C12orf42: variants seen among roughly 807,000 people sequenced by gnomAD.
C12orf42 encodes the protein chromosome 12 open reading frame 42, also known as uncharacterized protein C12orf42.
In C12orf42, 25 loss-of-function variants were observed where a neutral mutation model predicts 21.6. The ratio of observed to expected loss-of-function variants is 1.16; its 90% CI spans 0.84 to 1.62. The LOEUF is 1.62. Ranked by LOEUF, C12orf42 falls within the 40% of genes most tolerant of loss-of-function variation. C12orf42 has a pLI of 0.00. For synonymous variants in C12orf42, 174 were observed against 175.0 expected (o/e 0.99, Z 0.05); for missense variants, 483 against 459.3 (o/e 1.05, Z -0.47).
the C12orf42 span, among the ~76,000 whole-genome samples, chr12:103,142,481 T>G: frequency 6.6e-6 from 1 of 152,220 alleles, no homozygotes; most frequent in Non-Finnish European, 1.5e-5. Flanking sequence ...TCTGGTTTAT[T>G]TCTCTTGCAA....
chr12:103,547,262 C>T, the C12orf42 span, among the ~76,000 whole-genome samples: 9 of 152,302 alleles, frequency 5.9e-5, no homozygotes, highest in South Asian at 8.3e-4. Flanking sequence ...TTCTCAGTCT[C>T]GCTAGCCATA....
At chr12:103,163,759 G>A in the C12orf42 span, among the ~76,000 whole-genome samples, 1 of 152,182 alleles carries the variant, frequency 6.6e-6, no homozygotes, top group African/African-American at 2.4e-5. Flanking sequence ...TTAGCTGTGT[G>A]ATATGGGGTG....
rs77836842 is a variant in C12orf42 at position 103,405,809 on chromosome 12, G to C, written c.79-4134C>G. Among the ~76,000 whole-genome samples the C allele has an allele frequency of 3.9e-3, 598 of 152,228 alleles. 3 individuals are homozygous for C. The highest frequency in any genetic ancestry group is 0.014 in the African/African-American group (572 of 41,542). ...AAAAACATGTTTGCCTTGATGTGGG[G>C]TAGTGTATTTCTTTCTAAAGAAATG... On this transcript the variant is annotated intron_variant, in intron 2 of 5. Coordinates refer to ENST00000548883, the MANE Select transcript of C12orf42 (RefSeq NM_198521.5).
At chr12:103,557,693 C>T in the C12orf42 span, 2 of 152,156 alleles carry the variant, frequency 1.3e-5, no homozygotes, top group African/African-American at 4.8e-5. Context: ...CACTAAACTG[C>T]TTAATGATGG....
chr12:103,145,343 T>C, the C12orf42 span, among the ~76,000 whole-genome samples: 1 of 152,182 alleles, frequency 6.6e-6, no homozygotes, highest in South Asian at 2.1e-4. Flanking sequence ...CAAAGAGCCC[T>C]TTAGAGAAAA....
intron 4 of C12orf42, among the ~76,000 whole-genome samples, chr12:103,367,237 T>C (rs2044688631): frequency 6.6e-6 from 1 of 151,998 alleles, no homozygotes; most frequent in Non-Finnish European, 1.5e-5. Context: ...AAGTGGAAGC[T>C]AAGCTATGAG....
chr12:103,223,196 G>T, the C12orf42 span, among the ~76,000 whole-genome samples: 2 of 152,056 alleles, frequency 1.3e-5, no homozygotes, highest in Non-Finnish European at 2.9e-5. Flanking sequence ...GAAAATTTTT[G>T]GGGGGTGGTA....
the C12orf42 span, among the ~76,000 whole-genome samples, chr12:103,113,643 C>T: frequency 1.3e-5 from 2 of 152,166 alleles, no homozygotes; most frequent in East Asian, 3.8e-4. Context: ...CACATATTAA[C>T]CTCCTGACCC....
chr12:103,398,328 G>A (rs1422827749), intron 3 of C12orf42, among the ~76,000 whole-genome samples: 1 of 152,022 alleles, frequency 6.6e-6, no homozygotes, highest in Admixed American at 6.6e-5. Context: ...TTGGTGAATT[G>A]TCAATTCATA....
Position 103,302,429 on chromosome 12 carries a change from A to G in C12orf42, c.762T>C (p.Ala254=), listed in dbSNP as rs1190070425. 1.2e-6 allele frequency: 2 copies of G among 1,613,794 alleles called. No homozygotes were observed. The highest frequency in any genetic ancestry group is 1.7e-6 in the Non-Finnish European group (2 of 1,179,838). ...TTTGGATGTCGTCGGGGTGTGCCTG[A>G]GCGCCTGCTGGGACTGCCATCCTCT... ...PEERMAVPAG[A]QAHPDDIQSR... Residue 254 remains alanine (A), a synonymous_variant, in exon 6 of 6, where the codon GCT becomes GCC. Coordinates refer to ENST00000548883, the MANE Select transcript of C12orf42 (RefSeq NM_198521.5).
At chr12:103,437,536 G>A (rs1237035852) in intron 2 of C12orf42, among the ~76,000 whole-genome samples, 2 of 151,894 alleles carry the variant, frequency 1.3e-5, no homozygotes, top group African/African-American at 2.4e-5. Context: ...AAAGAGAGAA[G>A]AATCAAATAG....
At chr12:103,157,028 T>C in the C12orf42 span, among the ~76,000 whole-genome samples, 1 of 152,214 alleles carries the variant, frequency 6.6e-6, no homozygotes, top group Admixed American at 6.5e-5. Flanking sequence ...CTTCTGGTTC[T>C]AGATCCTTGA....
the C12orf42 span, among the ~76,000 whole-genome samples, chr12:103,188,525 T>C: frequency 6.6e-6 from 1 of 152,188 alleles, no homozygotes; most frequent in East Asian, 1.9e-4. Context: ...TCTCCAAATC[T>C]CATGTTGAAA....
At chr12:103,443,654 T>A (rs2137346998) in intron 2 of C12orf42, among the ~76,000 whole-genome samples, 1 of 152,162 alleles carries the variant, frequency 6.6e-6, no homozygotes. Context: ...ACAAAACATA[T>A]CTGTAATTAA....
intron 2 of C12orf42, among the ~76,000 whole-genome samples, chr12:103,474,443 T>TGTATGTAC (rs1197151303): frequency 7.1e-6 from 1 of 140,808 alleles, no homozygotes; most frequent in Non-Finnish European, 1.5e-5. Context: ...TATGTATACA[T>TGTATGTAC]GTATGTATGT....
At chr12:103,309,430 C>T (rs1351029924) in intron 4 of C12orf42, among the ~76,000 whole-genome samples, 1 of 152,042 alleles carries the variant, frequency 6.6e-6, no homozygotes, top group Non-Finnish European at 1.5e-5. Context: ...GTATATAATA[C>T]AAATAACATA....
the C12orf42 span, among the ~76,000 whole-genome samples, chr12:103,112,844 C>G: frequency 6.6e-6 from 1 of 152,154 alleles, no homozygotes. Flanking sequence ...CTTCTATTAT[C>G]CCATAGCATT....
At chr12:103,419,969 T>C (rs1006386338) in intron 2 of C12orf42, among the ~76,000 whole-genome samples, 4 of 152,236 alleles carry the variant, frequency 2.6e-5, no homozygotes, top group Non-Finnish European at 4.4e-5. Context: ...CAGTACTATA[T>C]ATAGTTGTTT....
At chr12:103,390,968 T>C (rs969549796) in intron 3 of C12orf42, among the ~76,000 whole-genome samples, 3 of 152,190 alleles carry the variant, frequency 2.0e-5, no homozygotes, top group Non-Finnish European at 4.4e-5. Context: ...CCAGAAACAA[T>C]GTTTAACCAG....
Sources: gnomAD v4.1 joint callset for allele counts (sites outside exome capture counted in the v4.1 genomes callset) on GRCh38, gnomAD v4.1.1 for gene constraint, MANE v1.5 for transcripts, NCBI Gene and HGNC (gene_info 2026-07-23, HGNC 2026-07-21) for gene names.